The following PLCL2 variants were observed in gnomAD, a reference collection of about 807,000 sequenced individuals.
PLCL2 encodes phospholipase C like 2.
Under a neutral mutation model 79.6 loss-of-function variants are expected in PLCL2, and 4 were observed. The observed-to-expected ratio is 0.05, with a 90% CI of 0.02 to 0.11. The LOEUF (loss-of-function observed/expected upper bound fraction) is 0.11, where lower values mean the gene tolerates loss of function less well. Among genes scored for constraint, PLCL2 ranks in the 10% least tolerant of loss-of-function variants. PLCL2 has a pLI of 1.00. For missense variants in PLCL2, 895 were observed against 1,291.0 expected (o/e 0.69, Z 4.70); for synonymous variants, 484 against 457.7 (o/e 1.06, Z -0.73).
chr3:17,045,310 T>C (rs1264868672), intron 4 of PLCL2, among the ~76,000 whole-genome samples: 1 of 152,306 alleles, frequency 6.6e-6, no homozygotes, highest in South Asian at 2.1e-4. Context: ...AAACCTTGTT[T>C]AAATAACTGA....
chr3:16,967,412 A>T (rs1314289294), intron 1 of PLCL2, among the ~76,000 whole-genome samples: 1 of 152,138 alleles, frequency 6.6e-6, no homozygotes, highest in Non-Finnish European at 1.5e-5. Flanking sequence ...TTTTCTCTGT[A>T]ACTTCAATAG....
intron 4 of PLCL2, among the ~76,000 whole-genome samples, chr3:17,053,392 A>G (rs1029085448): frequency 1.3e-5 from 2 of 151,964 alleles, no homozygotes; most frequent in African/African-American, 4.8e-5. Flanking sequence ...ATTCATGAGA[A>G]CTCTGCCCCA....
At position 17,026,906 on chromosome 3, in the gene PLCL2, G is replaced by GA. The variant is rs528990479; in HGVS notation, c.3018+12004dup. Among the ~76,000 whole-genome samples, 122 of 149,314 alleles carry GA rather than the reference G, an allele frequency of 8.2e-4. 2 individuals carry two copies. The South Asian group carries it at 0.017, about 21-fold the overall frequency. On this transcript the variant is annotated intron_variant, in intron 3 of 5. Coordinates refer to ENST00000615277, the MANE Select transcript of PLCL2 (RefSeq NM_001144382.2). ...TAAATAGATCGTTTATCTTGTATTA[G>GA]AAAAAAAAACAAAACAAAATAAATT...
chr3:16,994,661 T>C (rs2064135443), intron 1 of PLCL2, among the ~76,000 whole-genome samples: 1 of 152,220 alleles, frequency 6.6e-6, no homozygotes, highest in Admixed American at 6.5e-5. Context: ...TATATAGATT[T>C]CTACTTGGTG....
chr3:16,907,091 T>C (rs1160381607), intron 1 of PLCL2, among the ~76,000 whole-genome samples: 3 of 152,244 alleles, frequency 2.0e-5, no homozygotes, highest in Non-Finnish European at 4.4e-5. Context: ...TAGTTTTTAG[T>C]GTCTTATCAT....
At chr3:16,961,797 C>A (rs115788742) in intron 1 of PLCL2, among the ~76,000 whole-genome samples, 3,177 of 152,162 alleles carry the variant, frequency 0.021, 54 homozygotes, top group South Asian at 0.043. Context: ...TATGTGAAAC[C>A]CCCATGTAGG....
intron 1 of PLCL2, among the ~76,000 whole-genome samples, chr3:16,943,010 AGATT>A (rs753907011): frequency 1.1e-4 from 16 of 152,256 alleles, no homozygotes; most frequent in Non-Finnish European, 2.2e-4. Context: ...GAATTAATAA[AGATT>A]AAGTGTGATG....
chr3:16,893,787 G>A (rs559125528), intron 1 of PLCL2, among the ~76,000 whole-genome samples: 12 of 152,310 alleles, frequency 7.9e-5, no homozygotes, highest in African/African-American at 2.4e-4. Context: ...ATAGATAGCT[G>A]CATGTGTACA....
intron 1 of PLCL2, among the ~76,000 whole-genome samples, chr3:16,916,471 A>G (rs1367554031): frequency 1.3e-5 from 2 of 152,144 alleles, no homozygotes; most frequent in Admixed American, 6.6e-5. Context: ...TCCTTAAATT[A>G]TTTCTGATGG....
Position 16,955,611 on chromosome 3 carries a change from C to A in PLCL2, c.328-54063C>A, listed in dbSNP as rs1419053889. Among the ~76,000 whole-genome samples the A allele has an allele frequency of 1.2e-4, 18 of 152,274 alleles. No individual in the cohort carries two copies. The East Asian group carries it at 3.5e-3, about 29-fold the overall frequency. ...GGGATGGCATTGAATCTATAAATTACCTTGGGCAGTATGGCCATTTTCACC... is the reference window on the plus strand; with the variant it reads ...GGGATGGCATTGAATCTATAAATTAACTTGGGCAGTATGGCCATTTTCACC... On this transcript the variant is annotated intron_variant, in intron 1 of 5. Transcript: ENST00000615277.
chr3:16,945,022 A>T (rs991041183), intron 1 of PLCL2, among the ~76,000 whole-genome samples: 9 of 152,168 alleles, frequency 5.9e-5, no homozygotes, highest in Admixed American at 3.3e-4. Context: ...GGCCTCCCAG[A>T]GTGCTGGGAT....
At chr3:16,990,625 C>T (rs1553641923) in intron 1 of PLCL2, among the ~76,000 whole-genome samples, 2 of 152,124 alleles carry the variant, frequency 1.3e-5, no homozygotes, top group Non-Finnish European at 2.9e-5. Context: ...ATGTAAAAAT[C>T]TTAGTTAGGT....
chr3:17,011,927 C>G lies in PLCL2; in HGVS notation c.2581C>G (p.Leu861Val). ...ACAGACGGGCTACCGCCATGTCCCC[C>G]TGCAGTCCTTAACTGGAGAGGTCCT... is the stretch of plus-strand genomic sequence containing the variant. ...CLQTGYRHVPLQSLTGEVLAH... is the reference protein window; with the variant it reads ...CLQTGYRHVPVQSLTGEVLAH... Residue 861 changes from leucine to valine, a missense_variant, in exon 2 of 6, where the codon CTG becomes GTG. Leu to Val is a conservative substitution (Grantham distance 32). This residue lies in a region of PLCL2 where 298 missense variants were observed against 459.6 expected (regional missense o/e 0.65). Coordinates refer to ENST00000615277, the MANE Select transcript of PLCL2 (RefSeq NM_001144382.2). The surrounding 1 kb of genome is among the most constrained non-coding windows in gnomAD (Gnocchi z 7.9). 6.2e-7 allele frequency: 1 copy of G among 1,614,234 alleles called. No homozygotes were observed. The highest frequency in any genetic ancestry group is 1.3e-5 in the African/African-American group (1 of 75,076).
intron 1 of PLCL2, among the ~76,000 whole-genome samples, chr3:16,945,849 G>A (rs1287431894): frequency 6.6e-6 from 1 of 152,174 alleles, no homozygotes; most frequent in Admixed American, 6.5e-5. Flanking sequence ...TGACCCAAGC[G>A]CCATTTACCC....
At chr3:16,963,238 C>T (rs1443188562) in intron 1 of PLCL2, among the ~76,000 whole-genome samples, 1 of 152,008 alleles carries the variant, frequency 6.6e-6, no homozygotes, top group Non-Finnish European at 1.5e-5. Context: ...TTCTACTTGT[C>T]TTCAGATTAA....
chr3:16,980,919 C>T (rs11712952), intron 1 of PLCL2, among the ~76,000 whole-genome samples: 5,055 of 152,364 alleles, frequency 0.033, 144 homozygotes, highest in Middle Eastern at 0.088. Context: ...GGATCACTCA[C>T]GGTTAGGAGC....
chr3:16,902,589 T>C (rs984901101), intron 1 of PLCL2, among the ~76,000 whole-genome samples: 2 of 152,044 alleles, frequency 1.3e-5, no homozygotes, highest in African/African-American at 2.4e-5. Context: ...CACTTTAGGA[T>C]GCCAAGGCAG....
chr3:16,968,658 A>G (rs1274678451), intron 1 of PLCL2, among the ~76,000 whole-genome samples: 1 of 152,164 alleles, frequency 6.6e-6, no homozygotes, highest in African/African-American at 2.4e-5. Flanking sequence ...TATCAGATCA[A>G]GGAGATTTGG....
intron 1 of PLCL2, among the ~76,000 whole-genome samples, chr3:16,903,012 G>A (rs1231508118): frequency 6.6e-6 from 1 of 152,028 alleles, no homozygotes; most frequent in Non-Finnish European, 1.5e-5. Context: ...GAAATACAAA[G>A]CAAATGTAAT....
Sources: gnomAD v4.1 joint callset for allele counts (sites outside exome capture counted in the v4.1 genomes callset) on GRCh38, gnomAD v4.1.1 for gene constraint, gnomAD v4.1.1 regional missense constraint, Gnocchi (gnomAD v3.1) non-coding constraint, MANE v1.5 for transcripts, NCBI Gene and HGNC (gene_info 2026-07-23, HGNC 2026-07-21) for gene names.